CCDC85A: variants seen among roughly 807,000 people sequenced by gnomAD.
The protein encoded by CCDC85A is coiled-coil domain-containing protein 85A.
In CCDC85A, 38 loss-of-function variants were observed where a neutral mutation model predicts 50.2. The ratio of observed to expected loss-of-function variants is 0.76; its 90% CI spans 0.58 to 0.99. The LOEUF (loss-of-function observed/expected upper bound fraction) is 0.99, where lower values mean the gene tolerates loss of function less well. CCDC85A is among the 50% of genes least tolerant of loss of function. CCDC85A has a pLI of 0.00. For synonymous variants in CCDC85A, 366 were observed against 301.4 expected (o/e 1.21, Z -2.22); for missense variants, 820 against 742.0 (o/e 1.11, Z -1.22).
chr2:56,243,079 TG>T (rs1190322008), intron 2 of CCDC85A, among the ~76,000 whole-genome samples: 2 of 152,128 alleles, frequency 1.3e-5, no homozygotes, highest in African/African-American at 4.8e-5. Flanking sequence ...ATGTGATCTT[TG>T]GGTATTTAGT....
At chr2:56,374,573 C>G in intron 4 of CCDC85A, among the ~76,000 whole-genome samples, 1 of 152,110 alleles carries the variant, frequency 6.6e-6, no homozygotes. Context: ...CTTTGGGAGG[C>G]TGAGGCAGGA....
At chr2:56,206,407 T>A (rs781095805) in intron 2 of CCDC85A, among the ~76,000 whole-genome samples, 2 of 152,164 alleles carry the variant, frequency 1.3e-5, no homozygotes, top group Non-Finnish European at 2.9e-5. Flanking sequence ...GACTGGATAA[T>A]TAATAATGAA....
chr2:56,199,962 T>C (rs879823881), intron 2 of CCDC85A, among the ~76,000 whole-genome samples: 10 of 152,164 alleles, frequency 6.6e-5, no homozygotes, highest in Non-Finnish European at 1.5e-4. Context: ...TCCGACTCCC[T>C]GGTTCAAACG....
intron 2 of CCDC85A, among the ~76,000 whole-genome samples, chr2:56,335,480 A>T (rs1674026416): frequency 6.6e-6 from 1 of 152,168 alleles, no homozygotes; most frequent in South Asian, 2.1e-4. Flanking sequence ...GTGAACAGAA[A>T]TTTATTAGCT....
At chr2:56,336,942 C>A (rs1435224327) in intron 2 of CCDC85A, among the ~76,000 whole-genome samples, 1 of 152,098 alleles carries the variant, frequency 6.6e-6, no homozygotes, top group African/African-American at 2.4e-5. Flanking sequence ...ATTAGTAGAT[C>A]CAATATGAGA....
In CCDC85A at chr2:56,192,762, G is replaced by A. The variant is rs755721821; in HGVS notation, c.562G>A (p.Asp188Asn). 6 of 1,612,724 alleles carry A rather than the reference G, an allele frequency of 3.7e-6. No homozygotes were observed. Among genetic ancestry groups the A allele is most frequent in the Admixed American group, 1.7e-5 (1 of 59,876 alleles). Residue 188 changes from aspartate (D) to asparagine (N), a missense_variant, in exon 2 of 6, where the codon GAC becomes AAC. Coordinates refer to ENST00000407595, the MANE Select transcript of CCDC85A (RefSeq NM_001080433.2). The surrounding 1 kb of genome is among the most constrained non-coding windows in gnomAD (Gnocchi z 4.7). ...AGCAGSRCSI[D>N]SQASLCQLTA... ...CTGCGCAGGCAGCCGCTGCTCCATC[G>A]ACAGCCAGGCCAGCCTGTGCCAACT... is the stretch of plus-strand genomic sequence containing the variant.
At chr2:56,340,384 C>T (rs1344437262) in intron 2 of CCDC85A, among the ~76,000 whole-genome samples, 1 of 152,122 alleles carries the variant, frequency 6.6e-6, no homozygotes, top group Non-Finnish European at 1.5e-5. Context: ...GCCTCTTGCC[C>T]TTTTTGTGTG....
chr2:56,220,494 A>C (rs1283021278), intron 2 of CCDC85A, among the ~76,000 whole-genome samples: 1 of 152,094 alleles, frequency 6.6e-6, no homozygotes, highest in Non-Finnish European at 1.5e-5. Flanking sequence ...ATTCTGAAGA[A>C]AGACAATTGT....
chr2:56,274,134 A>G (rs1410998023), intron 2 of CCDC85A, among the ~76,000 whole-genome samples: 1 of 152,212 alleles, frequency 6.6e-6, no homozygotes, highest in Non-Finnish European at 1.5e-5. Context: ...TAGATCATTC[A>G]TGAAATATCT....
At chr2:56,332,969 G>A (rs1573281101) in intron 2 of CCDC85A, among the ~76,000 whole-genome samples, 1 of 152,056 alleles carries the variant, frequency 6.6e-6, no homozygotes, top group East Asian at 1.9e-4. Context: ...CTACATTACT[G>A]GTTGATTCCT....
At chr2:56,367,960 T>TAGCTTGTGCAAAGTCATGC (rs1553418691) in intron 3 of CCDC85A, among the ~76,000 whole-genome samples, 3 of 151,066 alleles carry the variant, frequency 2.0e-5, no homozygotes, top group African/African-American at 4.9e-5. Context: ...AAAGGCCATA[T>TAGCTTGTGCAAAGTCATGC]AGCTTGTCCA....
chr2:56,255,101 T>TTCTC (rs1239019533), intron 2 of CCDC85A, among the ~76,000 whole-genome samples: 2 of 152,160 alleles, frequency 1.3e-5, no homozygotes, highest in African/African-American at 4.8e-5. Flanking sequence ...TTATCACACC[T>TTCTC]TGCTCTTCTC....
rs72923443 is a variant in CCDC85A at position 56,255,363 on chromosome 2, G to T, written c.1240+61923G>T. 7.2e-5 allele frequency among the ~76,000 whole-genome samples: 11 copies of T among 152,196 alleles called. 1 individual carries two copies. Among genetic ancestry groups the T allele is most frequent in the African/African-American group, 2.7e-4 (11 of 41,504 alleles). On this transcript the variant is annotated intron_variant, in intron 2 of 5. Coordinates refer to ENST00000407595, the MANE Select transcript of CCDC85A (RefSeq NM_001080433.2). ...GTGAAGAAGGAGAGGGAGTCAAAAA[G>T]GGGGAGGTAGCCTTTAGCTCCTAGG... is the stretch of plus-strand genomic sequence containing the variant.
intron 3 of CCDC85A, among the ~76,000 whole-genome samples, chr2:56,355,901 A>T (rs1179774093): frequency 6.6e-6 from 1 of 152,192 alleles, no homozygotes; most frequent in African/African-American, 2.4e-5. Flanking sequence ...ATAACCAATA[A>T]ACCCAGGACC....
At position 56,184,617 on chromosome 2, in the gene CCDC85A, C is replaced by G. The variant is rs1366547328; in HGVS notation, c.-8C>G. 3.9e-5 allele frequency: 55 copies of G among 1,418,326 alleles called. No individual in the cohort carries two copies. The highest frequency in any genetic ancestry group is 4.5e-5 in the Non-Finnish European group (50 of 1,101,182). 87.9% of individuals were successfully genotyped at this position (1,418,326 alleles called of 1,614,324 possible). On this transcript the variant is annotated 5_prime_UTR_variant, in exon 1 of 6. Transcript: ENST00000407595. Reference sequence around the variant, plus strand: ...CCACCCACTTGCACCTGCCACCCCGCGGATACCATGTCGAAGGCGGCCGGA... The same window carrying G: ...CCACCCACTTGCACCTGCCACCCCGGGGATACCATGTCGAAGGCGGCCGGA...
In CCDC85A at chr2:56,184,279, A is replaced by C; in HGVS notation, c.-346A>C. Reference sequence around the variant, plus strand: ...CTCGGCTTAGGGCGGAGGAGAGGGCAGGGGAACGGCGGTGCAGCTCCCCCG... The same window carrying C: ...CTCGGCTTAGGGCGGAGGAGAGGGCCGGGGAACGGCGGTGCAGCTCCCCCG... On this transcript the variant is annotated 5_prime_UTR_variant, in exon 1 of 6. Transcript: ENST00000407595. The C allele has an allele frequency of 2.5e-6, 2 of 815,506 alleles. No individual in the cohort carries two copies. Among genetic ancestry groups the C allele is most frequent in the East Asian group, 7.8e-5 (1 of 12,866 alleles). The allele number at this position is 815,506 out of a possible 1,614,324, so 50.5% of individuals were successfully genotyped here.
At chr2:56,370,467 C>G (rs1186969850) in intron 3 of CCDC85A, among the ~76,000 whole-genome samples, 1 of 151,958 alleles carries the variant, frequency 6.6e-6, no homozygotes, top group African/African-American at 2.4e-5. Flanking sequence ...TAAAAGAGTG[C>G]CTTTTCCTTT....
chr2:56,380,628 A>AT (rs1676540378), intron 5 of CCDC85A, among the ~76,000 whole-genome samples: 2 of 150,404 alleles, frequency 1.3e-5, no homozygotes, highest in African/African-American at 5.0e-5. Context: ...ACCACAGTAA[A>AT]AAAATAAATA....
At chr2:56,255,014 G>A (rs1001765470) in intron 2 of CCDC85A, among the ~76,000 whole-genome samples, 1 of 152,116 alleles carries the variant, frequency 6.6e-6, no homozygotes. Flanking sequence ...GTTCTTTATA[G>A]GTATTCTGGG....
Sources: allele counts gnomAD v4.1 joint callset (sites outside exome capture counted in the v4.1 genomes callset), GRCh38; gene constraint gnomAD v4.1.1; non-coding constraint Gnocchi (gnomAD v3.1); transcripts MANE v1.5; gene names NCBI Gene and HGNC (gene_info 2026-07-23, HGNC 2026-07-21).